The following PTPRT variants were observed in gnomAD, a reference collection of about 807,000 sequenced individuals.
PTPRT encodes the protein protein tyrosine phosphatase receptor type T.
In PTPRT, 56 loss-of-function variants were observed where a neutral mutation model predicts 176.8. The ratio of observed to expected loss-of-function variants is 0.32; its 90% CI spans 0.26 to 0.40. The LOEUF (loss-of-function observed/expected upper bound fraction) is 0.40, where lower values mean the gene tolerates loss of function less well. PTPRT is among the 10% of genes least tolerant of loss of function. The pLI is 1.00. For missense variants in PTPRT, 1,540 were observed against 1,908.2 expected (o/e 0.81, Z 3.60); for synonymous variants, 783 against 739.0 (o/e 1.06, Z -0.96).
At chr20:42,137,597 G>C (rs990216627) in intron 18 of PTPRT, among the ~76,000 whole-genome samples, 4 of 152,112 alleles carry the variant, frequency 2.6e-5, no homozygotes, top group African/African-American at 4.8e-5. Flanking sequence ...GTGTGCTCTC[G>C]GGCAGGGCAC....
intron 2 of PTPRT, among the ~76,000 whole-genome samples, chr20:42,842,608 T>C (rs1183473031): frequency 6.6e-6 from 1 of 151,998 alleles, no homozygotes; most frequent in African/African-American, 2.4e-5. Context: ...TTAGTAGAGA[T>C]GGGGTTTCAC....
intron 22 of PTPRT, among the ~76,000 whole-genome samples, chr20:42,113,076 A>T (rs1017841719): frequency 2.6e-5 from 4 of 152,136 alleles, no homozygotes; most frequent in Admixed American, 6.5e-5. Context: ...CAGCTCAGGA[A>T]CCGATTTTGA....
chr20:42,138,997 T>A (rs1988502692), intron 18 of PTPRT, among the ~76,000 whole-genome samples: 1 of 152,190 alleles, frequency 6.6e-6, no homozygotes, highest in Non-Finnish European at 1.5e-5. Context: ...CCAAGAATAT[T>A]TCTATTTATC....
At chr20:43,020,741 A>G (rs1985636749) in intron 1 of PTPRT, among the ~76,000 whole-genome samples, 1 of 152,184 alleles carries the variant, frequency 6.6e-6, no homozygotes, top group Non-Finnish European at 1.5e-5. Flanking sequence ...GAGGTTTTCA[A>G]GGCCCCATGA....
intron 7 of PTPRT, among the ~76,000 whole-genome samples, chr20:42,520,630 T>G (rs1035523459): frequency 6.6e-5 from 10 of 152,062 alleles, no homozygotes; most frequent in Non-Finnish European, 1.3e-4. Flanking sequence ...TTACTCTAAC[T>G]TCATCTTGTA....
chr20:42,194,549 A>G (rs1991125345), intron 16 of PTPRT, among the ~76,000 whole-genome samples: 1 of 152,230 alleles, frequency 6.6e-6, no homozygotes, highest in East Asian at 1.9e-4. Flanking sequence ...AAAATGAACA[A>G]GAAGATGACA....
Position 42,080,769 on chromosome 20 carries a change from T to C in PTPRT, c.*110A>G. ...AGGGCCACCAGTCTTCTCCTTGGAG[T>C]CAGGCAGGGTGCCACCTCAGAGCTC... On this transcript the variant is annotated 3_prime_UTR_variant, in exon 31 of 31. Transcript: ENST00000373187. The C allele has an allele frequency of 9.2e-7, 1 of 1,086,278 alleles. No homozygotes were observed. Among genetic ancestry groups the C allele is most frequent in the Non-Finnish European group, 1.4e-6 (1 of 723,510 alleles). 67.3% of individuals were successfully genotyped at this position (1,086,278 alleles called of 1,614,324 possible).
Position 42,808,044 on chromosome 20 carries a change from C to T in PTPRT, c.215-16578G>A, listed in dbSNP as rs568237236. 7.2e-5 allele frequency among the ~76,000 whole-genome samples: 11 copies of T among 152,326 alleles called. No homozygotes were observed. In the South Asian group the frequency reaches 2.3e-3, roughly 32 times the overall value. Reference sequence around the variant, plus strand: ...GAGTGTACTCCCAAGGTCTGCCTTTCTGAGAGCTGCACATCCAGCAACTGA... The same window carrying T: ...GAGTGTACTCCCAAGGTCTGCCTTTTTGAGAGCTGCACATCCAGCAACTGA... On this transcript the variant is annotated intron_variant, in intron 2 of 30. Coordinates refer to ENST00000373187, the MANE Select transcript of PTPRT (RefSeq NM_007050.6).
chr20:43,013,342 C>G (rs768670695), intron 1 of PTPRT, among the ~76,000 whole-genome samples: 4 of 152,094 alleles, frequency 2.6e-5, no homozygotes, highest in Admixed American at 6.5e-5. Context: ...CTGCTGCCAT[C>G]AATGCATTTT....
intron 29 of PTPRT, 97 bp downstream of exon 29, chr20:42,084,584 AG>A (rs1381108009): frequency 7.9e-5 from 88 of 1,116,552 alleles, no homozygotes; most frequent in Non-Finnish European, 1.2e-6. Context: ...TGGTATAGCC[AG>A]GCCTGCCTAG....
At chr20:42,436,582 C>T (rs371261140) in intron 9 of PTPRT, among the ~76,000 whole-genome samples, 25 of 152,256 alleles carry the variant, frequency 1.6e-4, no homozygotes, top group East Asian at 7.7e-4. Context: ...AATTTGCTGG[C>T]ATGAGTGTAA....
chr20:43,132,426 C>G (rs1025383714), intron 1 of PTPRT, among the ~76,000 whole-genome samples: 4 of 151,904 alleles, frequency 2.6e-5, no homozygotes, highest in African/African-American at 9.7e-5. Flanking sequence ...CACCCGTAAC[C>G]CTGGAGGGTT....
At position 42,646,739 on chromosome 20, in the gene PTPRT, C is replaced by T. The variant is rs61123365; in HGVS notation, c.1153+31127G>A. On this transcript the variant is annotated intron_variant, in intron 7 of 30. Coordinates refer to ENST00000373187, the MANE Select transcript of PTPRT (RefSeq NM_007050.6). Reference sequence around the variant, plus strand: ...TATAGGCTTCAGCTTCTGGGTAAAACTAAGGGGATACTTAACCTGACCACA... The same window carrying T: ...TATAGGCTTCAGCTTCTGGGTAAAATTAAGGGGATACTTAACCTGACCACA... 4.7e-3 allele frequency among the ~76,000 whole-genome samples: 719 copies of T among 151,996 alleles called. 12 individuals carry two copies. Among genetic ancestry groups the T allele is most frequent in the Admixed American group, 0.01 (158 of 15,272 alleles).
chr20:42,499,042 G>A (rs749064660), intron 7 of PTPRT, among the ~76,000 whole-genome samples: 15 of 152,192 alleles, frequency 9.9e-5, no homozygotes, highest in East Asian at 1.9e-4. Flanking sequence ...CAAAATAAAC[G>A]TCTAAATTAA....
chr20:42,201,462 G>A (rs974484942), intron 15 of PTPRT, among the ~76,000 whole-genome samples: 3 of 152,050 alleles, frequency 2.0e-5, no homozygotes, highest in African/African-American at 7.2e-5. Context: ...ATGACAGAGG[G>A]CATACTCAAA....
intron 1 of PTPRT, among the ~76,000 whole-genome samples, chr20:42,913,283 G>A (rs903934073): frequency 2.6e-5 from 4 of 152,192 alleles, no homozygotes; most frequent in African/African-American, 9.7e-5. Context: ...AAATCAATGT[G>A]TCAGCAGGAT....
intron 7 of PTPRT, among the ~76,000 whole-genome samples, chr20:42,561,338 G>A (rs920784469): frequency 1.3e-5 from 2 of 152,184 alleles, no homozygotes; most frequent in African/African-American, 4.8e-5. Flanking sequence ...AGGCTGGGCC[G>A]GGACTCTAGA....
In PTPRT at chr20:42,355,292, A is replaced by T. The variant is rs551226854; in HGVS notation, c.1561-3007T>A. Among the ~76,000 whole-genome samples the T allele has an allele frequency of 2.7e-3, 411 of 152,190 alleles. 1 individual carries two copies. The highest frequency in any genetic ancestry group is 9.6e-3 in the African/African-American group (400 of 41,554). On this transcript the variant is annotated intron_variant, in intron 9 of 30. Coordinates refer to ENST00000373187, the MANE Select transcript of PTPRT (RefSeq NM_007050.6). ...CTCTAGAGGCAGCTGGTTTGAAAAC[A>T]CAGTGATGATTGGCTACTTTCCTTT... is the stretch of plus-strand genomic sequence containing the variant.
chr20:42,902,922 T>C (rs753985493), intron 1 of PTPRT, among the ~76,000 whole-genome samples: 3 of 152,230 alleles, frequency 2.0e-5, no homozygotes, highest in Non-Finnish European at 4.4e-5. Context: ...GTCTGGTGTA[T>C]GCTAGACATT....
Sources: gnomAD v4.1 joint callset for allele counts (sites outside exome capture counted in the v4.1 genomes callset) on GRCh38, gnomAD v4.1.1 for gene constraint, MANE v1.5 for transcripts, NCBI Gene and HGNC (gene_info 2026-07-23, HGNC 2026-07-21) for gene names.